TTC13: variants seen among roughly 807,000 people sequenced by gnomAD.
TTC13 encodes the protein tetratricopeptide repeat domain 13.
TTC13 carries 62 observed loss-of-function variants against 120.0 expected under a neutral mutation model. That is an observed-to-expected ratio of 0.52 (90% CI 0.42 to 0.64). TTC13 has a LOEUF of 0.64. Among genes scored for constraint, TTC13 ranks in the 30% least tolerant of loss-of-function variants. TTC13 has a pLI of 0.00. For missense variants in TTC13, 824 were observed against 1,050.2 expected, an observed-to-expected ratio of 0.78 and a Z score of 2.98; for synonymous variants, 384 against 393.5, an observed-to-expected ratio of 0.98 and a Z score of 0.28.
intron 16 of TTC13, 42 bp downstream of exon 16, chr1:230,921,379 G>T (rs766911460): frequency 8.8e-7 from 1 of 1,142,200 alleles, no homozygotes; most frequent in South Asian, 1.3e-5. Flanking sequence ...TAAAACACAT[G>T]AAATCAACTC....
chr1:230,934,367 C>T (rs747283260), intron 8 of TTC13, among the ~76,000 whole-genome samples: 13 of 152,018 alleles, frequency 8.6e-5, no homozygotes, highest in Admixed American at 2.0e-4. Context: ...CTGAAGGATT[C>T]CCATGATCTA....
chr1:230,912,909 G>C, intron 18 of TTC13, 151 bp from the exon 19 acceptor site: 1 of 701,962 alleles, frequency 1.4e-6, no homozygotes, highest in Non-Finnish European at 2.3e-6. Context: ...GACAAGCAAG[G>C]TAGGTTTCAT....
At chr1:230,945,490 T>A (rs751268123) in intron 4 of TTC13, 36 bp from the exon 5 acceptor site, 1 of 1,597,150 alleles carries the variant, frequency 6.3e-7, no homozygotes, top group African/African-American at 1.3e-5. Context: ...TCAAAAACCA[T>A]AAACAAAACA....
intron 6 of TTC13, among the ~76,000 whole-genome samples, chr1:230,941,556 G>A (rs1389618973): frequency 6.6e-6 from 1 of 152,094 alleles, no homozygotes; most frequent in Non-Finnish European, 1.5e-5. Flanking sequence ...TCCTGTGTTG[G>A]CCTCCCAAAA....
At position 230,931,226 on chromosome 1, in the gene TTC13, A is replaced by G. The variant is rs940177384; in HGVS notation, c.1300+72T>C. ...ACTCCACTGTTTCATACGAAACATAAAAGAGTCAAGCAATATGATTTCTAC... is the reference window on the plus strand; with the variant it reads ...ACTCCACTGTTTCATACGAAACATAGAAGAGTCAAGCAATATGATTTCTAC... On this transcript the variant is annotated intron_variant, in intron 11 of 22. Coordinates refer to ENST00000366661, the MANE Select transcript of TTC13 (RefSeq NM_024525.5). 2.0e-5 allele frequency: 31 copies of G among 1,519,732 alleles called. No homozygotes were observed. The African/African-American group carries it at 4.1e-4, about 20-fold the overall frequency. The allele number at this position is 1,519,732 out of a possible 1,614,324, so 94.1% of individuals were successfully genotyped here. A position where few individuals can be genotyped will look rare whatever the true frequency, so the allele number is the denominator to read the frequency against.
At chr1:230,927,694 A>G (rs1187936184) in intron 12 of TTC13, among the ~76,000 whole-genome samples, 1 of 152,178 alleles carries the variant, frequency 6.6e-6, no homozygotes, top group Non-Finnish European at 1.5e-5. Context: ...TCTTAGGTTC[A>G]AGGTAGTCCA....
At chr1:230,916,442 G>A (rs1672039074) in intron 17 of TTC13, 140 bp from the exon 18 acceptor site, 3 of 675,388 alleles carry the variant, frequency 4.4e-6, no homozygotes, top group Non-Finnish European at 7.9e-6. Flanking sequence ...TGGTGGCCTG[G>A]TGGCCAAGGA....
chr1:230,921,298 G>A, intron 16 of TTC13, 123 bp downstream of exon 16: 1 of 584,452 alleles, frequency 1.7e-6, no homozygotes, highest in Non-Finnish European at 3.0e-6. Context: ...TAAACACTGT[G>A]TAAAAATTTG....
At chr1:230,943,610 T>C (rs1031097297) in intron 6 of TTC13, among the ~76,000 whole-genome samples, 196 bp downstream of exon 6, 1 of 152,236 alleles carries the variant, frequency 6.6e-6, no homozygotes, top group Non-Finnish European at 1.5e-5. Flanking sequence ...ATTACTCTTC[T>C]ATGTTAGTTC....
chr1:230,969,862 T>G (rs1358658924), intron 1 of TTC13, among the ~76,000 whole-genome samples: 2 of 152,256 alleles, frequency 1.3e-5, no homozygotes, highest in Non-Finnish European at 2.9e-5. Context: ...TAGTATAGGC[T>G]TATAGGCTAA....
intron 13 of TTC13, 108 bp downstream of exon 13, chr1:230,925,409 A>T (rs941586455): frequency 2.4e-6 from 3 of 1,263,172 alleles, no homozygotes; most frequent in Non-Finnish European, 3.3e-6. Flanking sequence ...CACATGGAGA[A>T]TTTGAATAAG....
chr1:230,947,530 A>C (rs1335459403), intron 4 of TTC13, among the ~76,000 whole-genome samples: 2 of 152,044 alleles, frequency 1.3e-5, no homozygotes, highest in Non-Finnish European at 2.9e-5. Flanking sequence ...CCACACATAA[A>C]ATACCGTAAC....
Position 230,929,093 on chromosome 1 carries a change from T to C in TTC13, c.1301A>G (p.Glu434Gly). The C allele has an allele frequency of 6.2e-7, 1 of 1,612,972 alleles. No individual in the cohort carries two copies. The highest frequency in any genetic ancestry group is 8.5e-7 in the Non-Finnish European group (1 of 1,179,416). The change falls in exon 12 of 23, where the codon GAG becomes GGG. Residue 434 changes from glutamate (E) to glycine (G), a missense_variant and splice_region_variant. This residue lies in a region of TTC13 where 430 missense variants were observed against 626.8 expected (regional missense o/e 0.69). Transcript: ENST00000366661. ...GTGTGCATGAAGATATCGAGAATAC[T>C]CTGCAGAAAGGAAATGAGATCTGAC... is the stretch of plus-strand genomic sequence containing the variant. ...PEYLKVKYLR[E>G]YSRYLHAHLD...
chr1:230,939,370 T>A lies in TTC13; in HGVS notation c.900+16A>T, dbSNP rs1414982698. 2.6e-6 allele frequency: 4 copies of A among 1,540,322 alleles called. No homozygotes were observed. The highest frequency in any genetic ancestry group is 1.7e-4 in the Middle Eastern group (1 of 5,894). On this transcript the variant is annotated intron_variant, in intron 8 of 22. Transcript: ENST00000366661. Reference sequence around the variant, plus strand: ...GCAGAGTCATCATATGGTACACATATGCACAACACTTTCACCTTCAGAAGT... The same window carrying A: ...GCAGAGTCATCATATGGTACACATAAGCACAACACTTTCACCTTCAGAAGT...
chr1:230,916,676 T>A (rs548612465), intron 17 of TTC13, among the ~76,000 whole-genome samples: 1 of 152,306 alleles, frequency 6.6e-6, no homozygotes, highest in South Asian at 2.1e-4. Context: ...ATCCCGTAAC[T>A]CAAAAATGCA....
rs1158300691 is a variant in TTC13 at position 230,978,486 on chromosome 1, T to TACCCCGGCCCGGG, written c.271+61_271+73dup. ...GGAGGCGTGAGGCCCGGGCGACCCG[T>TACCCCGGCCCGGG]ACCCCGGCCCGGGACCCCAGCCCCG... On this transcript the variant is annotated intron_variant, in intron 1 of 22. Coordinates refer to ENST00000366661, the MANE Select transcript of TTC13 (RefSeq NM_024525.5). This position sits in a 1 kb window ranked among gnomAD's most constrained non-coding sequence, Gnocchi z 5.6. The TACCCCGGCCCGGG allele has an allele frequency of 4.2e-4, 178 of 420,052 alleles. No individual in the cohort carries two copies. The highest frequency in any genetic ancestry group is 5.6e-4 in the Non-Finnish European group (145 of 259,414). 26.0% of individuals were successfully genotyped at this position (420,052 alleles called of 1,614,324 possible).
chr1:230,947,651 T>C (rs919044290), intron 4 of TTC13, among the ~76,000 whole-genome samples: 4 of 152,154 alleles, frequency 2.6e-5, no homozygotes, highest in Non-Finnish European at 2.9e-5. Flanking sequence ...ATGTGGCCCA[T>C]GGGTTGGACA....
chr1:230,955,393 G>C (rs1465004137), intron 3 of TTC13, among the ~76,000 whole-genome samples: 2 of 152,034 alleles, frequency 1.3e-5, no homozygotes, highest in African/African-American at 2.4e-5. Context: ...GCCAGGCGTG[G>C]TGGCTTACAC....
intron 15 of TTC13, among the ~76,000 whole-genome samples, chr1:230,922,349 A>G (rs1337644871): frequency 6.6e-6 from 1 of 152,018 alleles, no homozygotes; most frequent in Non-Finnish European, 1.5e-5. Flanking sequence ...TGTCCACCTG[A>G]ACAACTACAC....
Sources: allele counts gnomAD v4.1 joint callset (sites outside exome capture counted in the v4.1 genomes callset), GRCh38; gene constraint gnomAD v4.1.1; regional missense constraint gnomAD v4.1.1; non-coding constraint Gnocchi (gnomAD v3.1); transcripts MANE v1.5; gene names NCBI Gene and HGNC (gene_info 2026-07-23, HGNC 2026-07-21).